HYDIN: variants seen among roughly 807,000 people sequenced by gnomAD.
HYDIN encodes the protein HYDIN axonemal central pair apparatus protein.
Under a neutral mutation model 403.9 loss-of-function variants are expected in HYDIN, and 132 were observed. That is an observed-to-expected ratio of 0.33 (90% CI 0.28 to 0.38). The LOEUF (loss-of-function observed/expected upper bound fraction) is 0.38. Ranked by LOEUF, HYDIN falls within the 10% of genes least tolerant of loss-of-function variation. HYDIN has a pLI of 1.00. For synonymous variants in HYDIN, 1,202 were observed against 1,891.7 expected (o/e 0.64, Z 9.46); for missense variants, 2,827 against 5,009.5 (o/e 0.56, Z 13.15).
At chr16:71,151,022 A>T (rs1343943614) in intron 7 of HYDIN, among the ~76,000 whole-genome samples, 1 of 152,180 alleles carries the variant, frequency 6.6e-6, no homozygotes, top group Admixed American at 6.5e-5. Flanking sequence ...AGTATGTCTA[A>T]AATTGACAAA....
chr16:71,015,992 T>A (rs562724922), intron 23 of HYDIN, among the ~76,000 whole-genome samples: 3 of 152,108 alleles, frequency 2.0e-5, no homozygotes, highest in Non-Finnish European at 2.9e-5. Context: ...CAGAAACCCA[T>A]TGAAATATGT....
At chr16:70,856,649 G>T (rs2039043579) in intron 72 of HYDIN, among the ~76,000 whole-genome samples, 1 of 152,038 alleles carries the variant, frequency 6.6e-6, no homozygotes, top group Admixed American at 6.6e-5. Flanking sequence ...TTAATCTATT[G>T]ATGTAATGAT....
intron 1 of HYDIN, among the ~76,000 whole-genome samples, chr16:71,191,929 T>C (rs775524474): frequency 6.6e-6 from 1 of 152,182 alleles, no homozygotes; most frequent in Non-Finnish European, 1.5e-5. Context: ...TTTCCTCAAA[T>C]TAACCATATA....
intron 75 of HYDIN, among the ~76,000 whole-genome samples, chr16:70,842,083 T>C (rs1445985103): frequency 1.3e-5 from 2 of 150,854 alleles, no homozygotes; most frequent in Admixed American, 6.6e-5. Flanking sequence ...TTTTAATTTA[T>C]TGAGGTATGT....
At chr16:71,034,839 C>T (rs1253503069) in intron 18 of HYDIN, among the ~76,000 whole-genome samples, 1 of 151,404 alleles carries the variant, frequency 6.6e-6, no homozygotes, top group Non-Finnish European at 1.5e-5. Context: ...GTCAAGAGTC[C>T]TATTATTACT....
In HYDIN at chr16:70,894,684, C is replaced by G; in HGVS notation, c.9149-136G>C. The G allele has an allele frequency of 5.2e-6, 3 of 573,248 alleles. No individual in the cohort carries two copies. In the South Asian group the frequency reaches 7.3e-5, roughly 14 times the overall value. The allele number at this position is 573,248 out of a possible 1,614,324, so 35.5% of individuals were successfully genotyped here. A position where few individuals can be genotyped will look rare whatever the true frequency, so the allele number is the denominator to read the frequency against. On this transcript the variant is annotated intron_variant, in intron 54 of 85. Coordinates refer to ENST00000393567, the MANE Select transcript of HYDIN (RefSeq NM_001270974.2). ...AATTTGTTTTCTGAAAGTACTGTGG[C>G]TAGAAAAGCCTCTTATAATTGAATC...
At chr16:70,928,447 A>C (rs531063648) in intron 45 of HYDIN, among the ~76,000 whole-genome samples, 314 of 152,284 alleles carry the variant, frequency 2.1e-3, no homozygotes, top group African/African-American at 6.5e-3. Context: ...TGATGGAGTC[A>C]GACCCTGCCT....
chr16:70,960,334 A>G (rs1258413583), intron 38 of HYDIN, among the ~76,000 whole-genome samples: 2 of 149,990 alleles, frequency 1.3e-5, no homozygotes, highest in African/African-American at 5.0e-5. Flanking sequence ...TTGATTACAT[A>G]TTGTCTTTGT....
intron 73 of HYDIN, among the ~76,000 whole-genome samples, chr16:70,853,042 A>G (rs1461186339): frequency 6.6e-6 from 1 of 150,964 alleles, no homozygotes; most frequent in Non-Finnish European, 1.5e-5. Context: ...TTAGCCGGGC[A>G]TAGTGGTGCG....
chr16:71,052,429 C>T (rs2081688711), intron 18 of HYDIN, among the ~76,000 whole-genome samples: 1 of 151,836 alleles, frequency 6.6e-6, no homozygotes, highest in Non-Finnish European at 1.5e-5. Flanking sequence ...GGACGAATGG[C>T]TTTCTTCATG....
intron 53 of HYDIN, among the ~76,000 whole-genome samples, chr16:70,900,170 G>A (rs925573805): frequency 1.4e-4 from 22 of 152,218 alleles, no homozygotes; most frequent in Admixed American, 1.2e-3. Context: ...TGGCAACAGC[G>A]AGGAGAAAGA....
chr16:71,195,278 A>G (rs1037220538), intron 1 of HYDIN, among the ~76,000 whole-genome samples: 2 of 152,072 alleles, frequency 1.3e-5, no homozygotes, highest in African/African-American at 4.8e-5. Flanking sequence ...AGAAAAGAAA[A>G]AACTAAAGCG....
At chr16:70,997,017 T>C (rs1290874908) in intron 23 of HYDIN, among the ~76,000 whole-genome samples, 2 of 150,562 alleles carry the variant, frequency 1.3e-5, no homozygotes, top group Non-Finnish European at 3.0e-5. Context: ...TGCAACTAGA[T>C]GGTCCCATCA....
At chr16:70,927,871 C>A (rs1597343581) in intron 45 of HYDIN, among the ~76,000 whole-genome samples, 1 of 151,844 alleles carries the variant, frequency 6.6e-6, no homozygotes, top group Admixed American at 6.6e-5. Flanking sequence ...GAAAAAAACA[C>A]CCTTGAAACA....
intron 1 of HYDIN, among the ~76,000 whole-genome samples, chr16:71,199,528 T>C (rs1380664673): frequency 1.3e-5 from 2 of 152,168 alleles, no homozygotes; most frequent in Non-Finnish European, 2.9e-5. Flanking sequence ...ATTTTGGGGT[T>C]CACCTCCCTG....
At chr16:71,126,649 G>C (rs1216264243) in intron 9 of HYDIN, among the ~76,000 whole-genome samples, 1 of 152,186 alleles carries the variant, frequency 6.6e-6, no homozygotes, top group Non-Finnish European at 1.5e-5. Context: ...GCAGTCAGGA[G>C]GGGGCTGGGG....
chr16:71,161,935 C>A (rs1333317130), intron 6 of HYDIN, among the ~76,000 whole-genome samples: 3 of 145,876 alleles, frequency 2.1e-5, no homozygotes, highest in Non-Finnish European at 3.0e-5. Context: ...TCCCAACAAC[C>A]TTATGAAGTG....
At chr16:70,908,161 C>T (rs1001322822) in intron 49 of HYDIN, 91 bp downstream of exon 49, 95 of 1,123,380 alleles carry the variant, frequency 8.5e-5, no homozygotes, top group Non-Finnish European at 1.1e-4. Context: ...CCCAGCTCCA[C>T]GTTATGGTAA....
At chr16:71,192,542 C>A (rs1260371706) in intron 1 of HYDIN, among the ~76,000 whole-genome samples, 1 of 152,198 alleles carries the variant, frequency 6.6e-6, no homozygotes, top group African/African-American at 2.4e-5. Flanking sequence ...TGCTCACACA[C>A]CACAGACTCA....
Sources: allele counts gnomAD v4.1 joint callset (sites outside exome capture counted in the v4.1 genomes callset), GRCh38; gene constraint gnomAD v4.1.1; transcripts MANE v1.5; gene names NCBI Gene and HGNC (gene_info 2026-07-23, HGNC 2026-07-21).